Variants in LAMB1 observed in about 807,000 individuals in gnomAD.
LAMB1 encodes the protein laminin subunit beta 1, also known as laminin subunit beta-1.
A neutral mutation model predicts 222.3 loss-of-function variants in LAMB1; 121 were observed. The ratio of observed to expected loss-of-function variants is 0.54; its 90% CI spans 0.47 to 0.63. LAMB1 has a LOEUF of 0.63. Among genes scored for constraint, LAMB1 ranks in the 30% least tolerant of loss-of-function variants. The probability of loss-of-function intolerance (pLI) is 0.00; values close to 1 mark genes in which losing one functional copy is unlikely to be tolerated. For missense variants in LAMB1, 2,172 were observed against 2,240.8 expected (o/e 0.97, Z 0.62); for synonymous variants, 794 against 807.2 (o/e 0.98, Z 0.28).
intron 26 of LAMB1, chr7:107,936,216 G>C (rs2032842825): frequency 6.6e-6 from 1 of 152,198 alleles, no homozygotes; most frequent in Non-Finnish European, 1.5e-5. Context: ...GTAATCTACA[G>C]ATTACTTTTA....
At chr7:107,998,577 T>C (rs1461874871) in intron 3 of LAMB1, 85 bp from the exon 4 acceptor site, 47 of 1,207,438 alleles carry the variant, frequency 3.9e-5, no homozygotes, top group Middle Eastern at 2.2e-4. Context: ...AAGCTCCTAA[T>C]ACAAAAATCA....
Position 107,948,135 on chromosome 7 carries a change from C to T in LAMB1, c.3391+3091G>A, listed in dbSNP as rs1312260413. Among the ~76,000 whole-genome samples the T allele has an allele frequency of 3.3e-5, 5 of 152,022 alleles. 1 individual carries two copies. The South Asian group carries it at 1.0e-3, about 32-fold the overall frequency. ...CCAAGTAGCTGGGATTATAGGTGTG[C>T]GCCATCTCACCTGATTAATTTTCGT... On this transcript the variant is annotated intron_variant, in intron 24 of 33. Transcript: ENST00000222399.
intron 2 of LAMB1, 145 bp from the exon 3 acceptor site, chr7:108,001,878 A>G: frequency 6.7e-7 from 1 of 1,486,454 alleles, no homozygotes; most frequent in Non-Finnish European, 9.0e-7. Flanking sequence ...AAGACAATGG[A>G]GAGATGAGCG....
At chr7:107,952,342 G>T in intron 22 of LAMB1, 119 bp from the exon 23 acceptor site, 1 of 724,860 alleles carries the variant, frequency 1.4e-6, no homozygotes, top group Non-Finnish European at 2.2e-6. Flanking sequence ...GAAATGCAAA[G>T]AAGGAAAGAA....
intron 4 of LAMB1, among the ~76,000 whole-genome samples, chr7:107,997,736 A>G (rs902022610): frequency 3.9e-5 from 6 of 152,232 alleles, no homozygotes; most frequent in Non-Finnish European, 7.3e-5. Flanking sequence ...TCTGGGCTTC[A>G]TGTCACAGCA....
At position 107,940,025 on chromosome 7, in the gene LAMB1, G is replaced by A; in HGVS notation, c.3725C>T (p.Pro1242Leu). ...DILAQSPAAE[P>L]LKNIGNLFEE... ...AAAGAGATTCCCAATGTTTTTCAGT[G>A]GCTCTGCTGCGGGGCTCTGCGCCAG... is the stretch of plus-strand genomic sequence containing the variant. The change falls in exon 25 of 34, where the codon CCA (proline) becomes CTA (leucine). Residue 1242 changes from proline (P) to leucine (L), a missense_variant. Transcript: ENST00000222399. 1.2e-6 allele frequency: 2 copies of A among 1,613,970 alleles called. No homozygotes were observed. Among genetic ancestry groups the A allele is most frequent in the Non-Finnish European group, 1.7e-6 (2 of 1,179,972 alleles).
chr7:107,994,634 A>G (rs1247277413), intron 5 of LAMB1, among the ~76,000 whole-genome samples: 1 of 152,226 alleles, frequency 6.6e-6, no homozygotes, highest in African/African-American at 2.4e-5. Flanking sequence ...GGAAATAAAA[A>G]GATACCTAAT....
intron 20 of LAMB1, among the ~76,000 whole-genome samples, chr7:107,955,943 G>A (rs540990389): frequency 4.7e-4 from 71 of 152,310 alleles, no homozygotes; most frequent in African/African-American, 1.7e-3. Context: ...TGTTGCGCAG[G>A]CTGGAGTGCA....
At chr7:107,996,876 G>C (rs1482337161) in intron 4 of LAMB1, among the ~76,000 whole-genome samples, 1 of 152,192 alleles carries the variant, frequency 6.6e-6, no homozygotes, top group African/African-American at 2.4e-5. Flanking sequence ...GGGAGATCAG[G>C]AAATGTTCCT....
intron 13 of LAMB1, among the ~76,000 whole-genome samples, chr7:107,968,815 A>G (rs1284865872): frequency 6.6e-6 from 1 of 152,208 alleles, no homozygotes; most frequent in Non-Finnish European, 1.5e-5. Context: ...AAAACAATGC[A>G]GCCCTACCAA....
chr7:107,938,156 T>TA (rs1464842389), intron 25 of LAMB1, among the ~76,000 whole-genome samples: 3 of 152,190 alleles, frequency 2.0e-5, no homozygotes, highest in African/African-American at 7.2e-5. Flanking sequence ...TATAATAGTA[T>TA]AAAAAACCAG....
Position 107,953,606 on chromosome 7 carries a change from C to G in LAMB1, c.3003G>C (p.Leu1001=). The change falls in exon 22 of 34, where the codon CTG becomes CTC. Residue 1001 remains leucine (L), a synonymous_variant. Coordinates refer to ENST00000222399, the MANE Select transcript of LAMB1 (RefSeq NM_002291.3). ...DKETGRCLKC[L]YHTEGEHCQF... ...GACAGTGTTCCCCTTCCGTGTGGTA[C>G]AGGCACTTGAGACACCTCCCAGTCT... 6.2e-7 allele frequency: 1 copy of G among 1,614,176 alleles called. No individual in the cohort carries two copies. The highest frequency in any genetic ancestry group is 1.1e-5 in the South Asian group (1 of 91,074).
intron 2 of LAMB1, 99 bp from the exon 3 acceptor site, chr7:108,001,832 G>T: frequency 1.3e-6 from 2 of 1,545,666 alleles, no homozygotes; most frequent in East Asian, 2.4e-5. Context: ...TGCGGAGAGA[G>T]GACAGTCCAT....
intron 24 of LAMB1, among the ~76,000 whole-genome samples, chr7:107,946,843 A>C (rs1320179318): frequency 6.6e-6 from 1 of 152,206 alleles, no homozygotes; most frequent in African/African-American, 2.4e-5. Flanking sequence ...TTTTCTACTA[A>C]AAAACACAAA....
At chr7:108,000,840 C>T (rs759500104) in intron 3 of LAMB1, among the ~76,000 whole-genome samples, 12 of 152,220 alleles carry the variant, frequency 7.9e-5, no homozygotes, top group Non-Finnish European at 1.8e-4. Flanking sequence ...ATTTTGCTCC[C>T]GGCCAGCCTC....
At chr7:107,974,906 C>G (rs1337145667) in intron 12 of LAMB1, 80 bp downstream of exon 12, 3 of 827,514 alleles carry the variant, frequency 3.6e-6, no homozygotes, top group African/African-American at 1.7e-5. Context: ...ATCGCAGACT[C>G]TACAATGGCG....
chr7:107,960,359 G>T (rs2033471015), intron 18 of LAMB1, 86 bp downstream of exon 18: 1 of 928,738 alleles, frequency 1.1e-6, no homozygotes, highest in African/African-American at 1.6e-5. Flanking sequence ...CACAGGGCTA[G>T]GGGGTGGGCA....
chr7:107,934,025 A>G (rs369808381), intron 27 of LAMB1, among the ~76,000 whole-genome samples: 10 of 152,302 alleles, frequency 6.6e-5, no homozygotes, highest in Admixed American at 2.0e-4. Flanking sequence ...GAAGGAATCA[A>G]TGCTGAAGGG....
chr7:107,966,040 G>A (rs1324451975), intron 13 of LAMB1, among the ~76,000 whole-genome samples: 3 of 151,854 alleles, frequency 2.0e-5, no homozygotes, highest in African/African-American at 7.3e-5. Context: ...GGAAGTTGCA[G>A]TGAGCCGAGA....
Sources: gnomAD v4.1 joint callset for allele counts (sites outside exome capture counted in the v4.1 genomes callset) on GRCh38, gnomAD v4.1.1 for gene constraint, MANE v1.5 for transcripts, NCBI Gene and HGNC (gene_info 2026-07-23, HGNC 2026-07-21) for gene names.